Variants in OBSL1 observed in about 807,000 individuals in gnomAD.
The protein encoded by OBSL1 is obscurin-like protein 1.
Under a neutral mutation model 172.0 loss-of-function variants are expected in OBSL1, and 160 were observed. The observed-to-expected ratio is 0.93, with a 90% CI of 0.82 to 1.06. The LOEUF is 1.06. OBSL1 is among the 50% of genes least tolerant of loss of function. OBSL1 has a pLI of 0.00. For missense variants in OBSL1, 2,681 were observed against 2,715.4 expected (o/e 0.99, Z 0.28); for synonymous variants, 1,200 against 1,196.3 (o/e 1.00, Z -0.06).
rs201348650 is a variant in OBSL1, at chr2:219,555,994, G to A, written c.4609+26C>T. 2.7e-3 allele frequency: 4,373 copies of A among 1,610,964 alleles called. 132 individuals carry two copies. In the South Asian group the frequency reaches 0.046, roughly 17 times the overall value. ...AAGGCTGTGGTGTAGGGTGGGTAAT[G>A]CATTAAGAGAGGACGGGGCACTCAC... On this transcript the variant is annotated intron_variant, in intron 14 of 20. Coordinates refer to ENST00000404537, the MANE Select transcript of OBSL1 (RefSeq NM_015311.3).
chr2:219,551,213 A>C (rs1695588674), intron 20 of OBSL1: 2 of 1,384,744 alleles, frequency 1.4e-6, no homozygotes, highest in Non-Finnish European at 1.9e-6. Context: ...TGAAGTGGGG[A>C]GGAAAGGAAC....
Position 219,563,413 on chromosome 2 carries a change from C to G in OBSL1, c.2622G>C (p.Gly874=). The G allele has an allele frequency of 6.2e-7, 1 of 1,609,346 alleles. No homozygotes were observed. Among genetic ancestry groups the G allele is most frequent in the South Asian group, 1.1e-5 (1 of 90,640 alleles). Residue 874 remains glycine (G), a synonymous_variant, in exon 7 of 21, where the codon GGG becomes GGC. Transcript: ENST00000404537. ...LVLPATQPSD[G]GEFQCVAGDE... Reference sequence around the variant, plus strand: ...CTCCAGCGACGCACTGAAACTCGCCCCCGTCTGAGGGCTGGGTGGCGGGCA... The same window carrying G: ...CTCCAGCGACGCACTGAAACTCGCCGCCGTCTGAGGGCTGGGTGGCGGGCA...
At position 219,558,457 on chromosome 2, in the gene OBSL1, G is replaced by T; in HGVS notation, c.3229C>A (p.Pro1077Thr). The change falls in exon 10 of 21, where the codon CCA becomes ACA. Residue 1077 changes from proline (P) to threonine (T), a missense_variant and splice_region_variant. Pro to Thr is a conservative substitution (Grantham distance 38, BLOSUM62 -1). This residue lies in a region of OBSL1 where 1,765 missense variants were observed against 1,748.3 expected (regional missense o/e 1.01). Coordinates refer to ENST00000404537, the MANE Select transcript of OBSL1 (RefSeq NM_015311.3). The part of the protein sequence containing the change: ...SAFFTVTVTA[P>T]PERIVHPAAR... ...GCCGGGTGCACAATCCTCTCTGGTGGGGCTGGTGGGTGGGCATGGAGAGGG... is the reference window on the plus strand; with the variant it reads ...GCCGGGTGCACAATCCTCTCTGGTGTGGCTGGTGGGTGGGCATGGAGAGGG... The T allele has an allele frequency of 6.4e-7, 1 of 1,573,002 alleles. No homozygotes were observed.
intron 8 of OBSL1, among the ~76,000 whole-genome samples, chr2:219,560,253 G>T (rs1188044545): frequency 5.9e-5 from 9 of 152,180 alleles, no homozygotes; most frequent in Non-Finnish European, 1.3e-4. Context: ...GCAGGAGGAG[G>T]AAATACCCTC....
rs1364729808 is a variant in OBSL1, at chr2:219,567,891, T to A, written c.1361A>T (p.Glu454Val). ...GCTCCAGCGTCCCTCGACCCCGGCC[T>A]CTAGAGTTTCCACTAGCAGCACAGC... The part of the protein sequence containing the change: ...ENAVLLVETL[E>V]AGVEGRWSRD... Residue 454 changes from glutamate to valine, a missense_variant, in exon 3 of 21, where the codon GAG (glutamate) becomes GTG (valine). Physicochemically the swap from Glu to Val is moderately radical, Grantham distance 121. Coordinates refer to ENST00000404537, the MANE Select transcript of OBSL1 (RefSeq NM_015311.3). 1.2e-6 allele frequency: 2 copies of A among 1,613,830 alleles called. No individual in the cohort carries two copies. The highest frequency in any genetic ancestry group is 1.7e-6 in the Non-Finnish European group (2 of 1,179,886).
chr2:219,547,828 C>T (rs764888097), downstream of OBSL1: 48 of 1,590,238 alleles, frequency 3.0e-5, no homozygotes, highest in Non-Finnish European at 3.8e-5. Context: ...GTGCCCTGCT[C>T]ACTCTGCGCT....
At chr2:219,555,661 G>T in intron 14 of OBSL1, 1 of 1,079,896 alleles carries the variant, frequency 9.3e-7, no homozygotes, top group Non-Finnish European at 1.1e-6. Flanking sequence ...TCCAGCTTTG[G>T]GTGGGAGGTG....
At chr2:219,553,800 G>C (rs1172317080) in intron 15 of OBSL1, 114 bp from the exon 16 acceptor site, 2 of 659,528 alleles carry the variant, frequency 3.0e-6, no homozygotes, top group East Asian at 2.8e-5. Context: ...CTAGCGAGTG[G>C]GGTTCGAGCT....
At chr2:219,549,637 G>A, downstream of OBSL1, 1 of 1,584,250 alleles carries the variant, frequency 6.3e-7, no homozygotes. Flanking sequence ...GAAGTGTCAG[G>A]CTTGTGGGAA....
chr2:219,551,021 G>C, intron 20 of OBSL1, 179 bp from the exon 21 acceptor site: 16 of 1,463,354 alleles, frequency 1.1e-5, no homozygotes, highest in Non-Finnish European at 1.4e-5. Flanking sequence ...CTAGGGGTGG[G>C]GCACAGCGCG....
chr2:219,563,453 T>C lies in OBSL1; in HGVS notation c.2582A>G (p.His861Arg), dbSNP rs1278666318. ...DFVVLENEGP[H>R]RRLVLPATQP... ...GGTGGCGGGCAGCACCAGGCGGCGA[T>C]GGGGCCCCTCATTCTCCAGCACCAC... is the stretch of plus-strand genomic sequence containing the variant. The change falls in exon 7 of 21, where the codon CAT becomes CGT. Residue 861 changes from histidine to arginine, a missense_variant. Physicochemically the swap from His to Arg is conservative, Grantham distance 29 (BLOSUM62 0). This residue lies in a region of OBSL1 where 1,765 missense variants were observed against 1,748.3 expected (regional missense o/e 1.01). Transcript: ENST00000404537. 1.2e-6 allele frequency: 2 copies of C among 1,613,656 alleles called. No individual in the cohort carries two copies. Among genetic ancestry groups the C allele is most frequent in the African/African-American group, 1.3e-5 (1 of 74,892 alleles).
At chr2:219,548,709 C>T (rs572791339), downstream of OBSL1, among the ~76,000 whole-genome samples, 3 of 152,266 alleles carry the variant, frequency 2.0e-5, no homozygotes, top group Admixed American at 2.0e-4. Context: ...ATTAGAAGGG[C>T]AATAAGACTT....
downstream of OBSL1, chr2:219,547,438 C>T (rs1695411469): frequency 7.7e-7 from 1 of 1,292,688 alleles, no homozygotes; most frequent in African/African-American, 1.5e-5. Flanking sequence ...GTCCTTGACC[C>T]CTTGGACCTG....
downstream of OBSL1, chr2:219,550,572 A>AC (rs1362896174): frequency 4.3e-5 from 23 of 537,810 alleles, no homozygotes; most frequent in Non-Finnish European, 7.0e-5. Context: ...TAAATGTGCC[A>AC]AACTGTGTGG....
At chr2:219,547,807 C>T (rs761031009), downstream of OBSL1, 18 of 1,591,144 alleles carry the variant, frequency 1.1e-5, no homozygotes, top group African/African-American at 4.0e-5. Flanking sequence ...TGCTGGGGGG[C>T]GGCCTGCTCT....
Position 219,570,939 on chromosome 2 carries a change from G to A in OBSL1, c.294C>T (p.Ala98=). 1 of 1,277,140 alleles carries A rather than the reference G, an allele frequency of 7.8e-7. No homozygotes were observed. Among genetic ancestry groups the A allele is most frequent in the Non-Finnish European group, 9.8e-7 (1 of 1,019,932 alleles). The allele number at this position is 1,277,140 out of a possible 1,614,324, so 79.1% of individuals were successfully genotyped here. The part of the protein sequence containing the change: ...NAAGEAYAAA[A]VTVLEPPASD... ...AGGCCGGCGGCTCCAGCACGGTGAC[G>A]GCGGCCGCCGCGTAGGCCTCGCCGG... The change falls in exon 1 of 21, where the codon GCC becomes GCT. Residue 98 remains alanine (A), a synonymous_variant. Transcript: ENST00000404537.
intron 6 of OBSL1, among the ~76,000 whole-genome samples, chr2:219,564,364 A>G (rs934641085): frequency 6.6e-6 from 1 of 152,236 alleles, no homozygotes; most frequent in Non-Finnish European, 1.5e-5. Context: ...GGAACAGAAC[A>G]ATCCTGTGTG....
Position 219,571,008 on chromosome 2 carries a change from C to T in OBSL1, c.225G>A (p.Leu75=). ...AEHGLLLTAA[L]PTDAGVYVCR... is the part of the protein sequence containing the mutation. ...ACACGTAGACCCCCGCGTCGGTGGG[C>T]AGTGCGGCGGTCAGCAGCAGGCCGT... is the stretch of plus-strand genomic sequence containing the variant. The change falls in exon 1 of 21, where the codon CTG becomes CTA. Residue 75 remains leucine, a synonymous_variant. Transcript: ENST00000404537. 7.0e-7 allele frequency: 1 copy of T among 1,423,988 alleles called. No homozygotes were observed. Among genetic ancestry groups the T allele is most frequent in the East Asian group, 3.1e-5 (1 of 32,740 alleles). 88.2% of individuals were successfully genotyped at this position (1,423,988 alleles called of 1,614,324 possible). A position where few individuals can be genotyped will look rare whatever the true frequency, so the allele number is the denominator to read the frequency against.
chr2:219,561,594 G>A (rs538379171), intron 8 of OBSL1: 5 of 450,010 alleles, frequency 1.1e-5, no homozygotes, highest in South Asian at 4.7e-5. Flanking sequence ...GGAAGCGGCC[G>A]TGTCTGCGTG....
Sources: gnomAD v4.1 joint callset for allele counts (sites outside exome capture counted in the v4.1 genomes callset) on GRCh38, gnomAD v4.1.1 for gene constraint, gnomAD v4.1.1 regional missense constraint, MANE v1.5 for transcripts, NCBI Gene and HGNC (gene_info 2026-07-23, HGNC 2026-07-21) for gene names.